Variants in UBASH3B observed in about 807,000 individuals in gnomAD.
The protein encoded by UBASH3B is ubiquitin associated and SH3 domain containing B.
Under a neutral mutation model 83.4 loss-of-function variants are expected in UBASH3B, and 37 were observed. The ratio of observed to expected loss-of-function variants is 0.44; its 90% confidence interval spans 0.34 to 0.58. UBASH3B has a LOEUF of 0.58. Ranked by LOEUF, UBASH3B falls within the 20% of genes least tolerant of loss-of-function variation. The pLI, the probability that UBASH3B is intolerant of heterozygous loss-of-function variation, is 0.01. For missense variants in UBASH3B, 657 were observed against 827.2 expected (o/e 0.79, Z 2.52); for synonymous variants, 304 against 318.3 (o/e 0.96, Z 0.48).
intron 1 of UBASH3B, among the ~76,000 whole-genome samples, chr11:122,671,269 T>C (rs1863590009): frequency 6.6e-6 from 1 of 151,990 alleles, no homozygotes; most frequent in Non-Finnish European, 1.5e-5. Context: ...CTCACGCCTA[T>C]AATCCCAGCA....
At chr11:122,779,787 T>C in intron 4 of UBASH3B, 92 bp downstream of exon 4, 2 of 1,502,554 alleles carry the variant, frequency 1.3e-6, no homozygotes, top group African/African-American at 1.4e-5. Context: ...AGGAGCAGGA[T>C]GGGGTCAGGA....
intron 1 of UBASH3B, among the ~76,000 whole-genome samples, chr11:122,690,850 C>T (rs571862960): frequency 6.6e-6 from 1 of 152,272 alleles, no homozygotes; most frequent in Admixed American, 6.5e-5. Flanking sequence ...TTGAGTCAGA[C>T]TTGTCATCTT....
chr11:122,797,774 G>A (rs979144447), intron 9 of UBASH3B, among the ~76,000 whole-genome samples: 1 of 152,174 alleles, frequency 6.6e-6, no homozygotes, highest in Non-Finnish European at 1.5e-5. Flanking sequence ...AGAAGGAATA[G>A]GAGTGAGGAA....
intron 1 of UBASH3B, among the ~76,000 whole-genome samples, chr11:122,699,788 T>G (rs1285314448): frequency 1.3e-4 from 20 of 152,204 alleles, no homozygotes. Context: ...TTCGCCATGT[T>G]GCTCTGGCTG....
chr11:122,707,605 G>A lies in UBASH3B; in HGVS notation c.161+51395G>A, dbSNP rs184373249. Among the ~76,000 whole-genome samples, 321 of 152,120 alleles carry A rather than the reference G, an allele frequency of 2.1e-3. 6 individuals carry two copies. In the South Asian group the frequency reaches 0.027, roughly 13 times the overall value. On this transcript the variant is annotated intron_variant, in intron 1 of 13. Transcript: ENST00000284273. Reference sequence around the variant, plus strand: ...AAATATATATTTGCTGAATGAATAAGCAACCTAAATCTCAGGTGGCAGTTA... The same window carrying A: ...AAATATATATTTGCTGAATGAATAAACAACCTAAATCTCAGGTGGCAGTTA...
At chr11:122,661,473 G>A (rs182441212) in intron 1 of UBASH3B, among the ~76,000 whole-genome samples, 1 of 152,292 alleles carries the variant, frequency 6.6e-6, no homozygotes, top group Non-Finnish European at 1.5e-5. Flanking sequence ...TGACTCTGGC[G>A]TGGGGGCTGC....
intron 1 of UBASH3B, among the ~76,000 whole-genome samples, chr11:122,713,896 C>A (rs984997234): frequency 3.3e-5 from 5 of 152,094 alleles, no homozygotes; most frequent in Admixed American, 3.3e-4. Flanking sequence ...TGCAGCCTTC[C>A]ATCAGATGTT....
At chr11:122,729,705 A>G (rs1860804754) in intron 1 of UBASH3B, among the ~76,000 whole-genome samples, 1 of 148,306 alleles carries the variant, frequency 6.7e-6, no homozygotes, top group South Asian at 2.1e-4. Context: ...CATGCCTGTA[A>G]TCCTAACACG....
chr11:122,784,957 T>C (rs542539695), intron 5 of UBASH3B, among the ~76,000 whole-genome samples: 2 of 152,186 alleles, frequency 1.3e-5, no homozygotes, highest in East Asian at 1.9e-4. Context: ...AAGGGAGGTG[T>C]GACTGGTTGG....
rs1255937270 is a variant in UBASH3B, at chr11:122,771,382, ACCACCACG to A, written c.162-4826_162-4819del. ...CAAGTAGCTGGGATTACAGGCACCC[ACCACCACG>A]CCACCACGCCCGGCTAATTTTTGTA... is the stretch of plus-strand genomic sequence containing the variant. On this transcript the variant is annotated intron_variant, in intron 1 of 13. Coordinates refer to ENST00000284273, the MANE Select transcript of UBASH3B (RefSeq NM_032873.5). Among the ~76,000 whole-genome samples the A allele has an allele frequency of 2.6e-5, 4 of 151,686 alleles. No homozygotes were observed. The South Asian group carries it at 8.3e-4, about 32-fold the overall frequency.
rs763175516 is a variant in UBASH3B at position 122,656,086 on chromosome 11, G to A, written c.37G>A (p.Ala13Thr). The A allele has an allele frequency of 3.7e-6, 6 of 1,601,646 alleles. No individual in the cohort carries two copies. The South Asian group carries it at 5.6e-5, about 15-fold the overall frequency. ...QYGHPSPLGM[A>T]AREELYSKVT... ...CGGCCACCCCAGTCCGCTCGGCATGGCTGCGAGAGAGGAGCTGTACAGCAA... is the reference window on the plus strand; with the variant it reads ...CGGCCACCCCAGTCCGCTCGGCATGACTGCGAGAGAGGAGCTGTACAGCAA... Residue 13 changes from alanine (A) to threonine (T), a missense_variant, in exon 1 of 14, where the codon GCT (alanine) becomes ACT (threonine). By Grantham distance (58) the Ala-to-Thr change is moderately conservative. Around this residue, in one of 3 missense-constraint regions of UBASH3B, gnomAD observed 78 missense variants for 68.4 expected, o/e 1.14. Coordinates refer to ENST00000284273, the MANE Select transcript of UBASH3B (RefSeq NM_032873.5).
At chr11:122,803,658 A>C (rs1861292557) in intron 11 of UBASH3B, among the ~76,000 whole-genome samples, 2 of 152,146 alleles carry the variant, frequency 1.3e-5, no homozygotes, top group South Asian at 4.1e-4. Flanking sequence ...GACTCAGAGG[A>C]CAGGGGACTG....
At chr11:122,709,465 G>T (rs577706694) in intron 1 of UBASH3B, 5 of 152,360 alleles carry the variant, frequency 3.3e-5, no homozygotes, top group Non-Finnish European at 7.3e-5. Flanking sequence ...CCAGTCAAAT[G>T]TATTGCGTGG....
intron 1 of UBASH3B, among the ~76,000 whole-genome samples, chr11:122,695,411 G>C (rs567372045): frequency 6.6e-6 from 1 of 152,300 alleles, no homozygotes; most frequent in Non-Finnish European, 1.5e-5. Flanking sequence ...TCCAGTACTC[G>C]TGCCAGCAGG....
At chr11:122,676,161 A>G (rs1863664941) in intron 1 of UBASH3B, among the ~76,000 whole-genome samples, 1 of 152,226 alleles carries the variant, frequency 6.6e-6, no homozygotes, top group Middle Eastern at 3.4e-3. Flanking sequence ...CAACACTTTG[A>G]GAGGCTGAGG....
intron 1 of UBASH3B, among the ~76,000 whole-genome samples, chr11:122,659,754 C>T (rs1380563820): frequency 6.6e-6 from 1 of 152,226 alleles, no homozygotes; most frequent in Non-Finnish European, 1.5e-5. Context: ...TGTCTCAAAC[C>T]TGGCCCTTTT....
chr11:122,688,978 CGGGG>C (rs60342970), intron 1 of UBASH3B, among the ~76,000 whole-genome samples: 6,536 of 135,612 alleles, frequency 0.048, 637 homozygotes, highest in African/African-American at 0.2. Flanking sequence ...GGCGGGGAGG[CGGGG>C]GGGGGGGGGG....
intron 1 of UBASH3B, among the ~76,000 whole-genome samples, chr11:122,750,041 C>T (rs1353350636): frequency 6.6e-6 from 1 of 152,180 alleles, no homozygotes; most frequent in African/African-American, 2.4e-5. Context: ...CCAAGGTAAT[C>T]ATTCTTAAAC....
intron 1 of UBASH3B, among the ~76,000 whole-genome samples, chr11:122,676,399 C>T (rs1208762829): frequency 2.6e-5 from 4 of 151,964 alleles, no homozygotes; most frequent in African/African-American, 4.8e-5. Context: ...ATTAGCTGGA[C>T]GTGGTGGCAG....
Sources: gnomAD v4.1 joint callset for allele counts (sites outside exome capture counted in the v4.1 genomes callset) on GRCh38, gnomAD v4.1.1 for gene constraint, gnomAD v4.1.1 regional missense constraint, MANE v1.5 for transcripts, NCBI Gene and HGNC (gene_info 2026-07-23, HGNC 2026-07-21) for gene names.